ERVMER34-1: variants seen among roughly 807,000 people sequenced by gnomAD.
ERVMER34-1 encodes the protein endogenous retroviral envelope protein HEMO.
For missense variants in ERVMER34-1, 471 were observed against 295.1 expected, an observed-to-expected ratio of 1.60 and a Z score of -4.37; for synonymous variants, 199 against 111.7, an observed-to-expected ratio of 1.78 and a Z score of -4.93.
At chr4:52,749,317 CTT>C (rs1171611855) in intron 2 of ERVMER34-1, among the ~76,000 whole-genome samples, 4 of 152,162 alleles carry the variant, frequency 2.6e-5, no homozygotes, top group Non-Finnish European at 5.9e-5. Context: ...TGTGTCAACT[CTT>C]ACAGTTCCAT....
At position 52,743,989 on chromosome 4, in the gene ERVMER34-1, A is replaced by G. The variant is rs1323236962; in HGVS notation, c.1532T>C (p.Val511Ala). 1.3e-6 allele frequency: 1 copy of G among 742,568 alleles called. No homozygotes were observed. Among genetic ancestry groups the G allele is most frequent in the Admixed American group, 2.0e-5 (1 of 50,058 alleles). 46.0% of individuals were successfully genotyped at this position (742,568 alleles called of 1,614,324 possible). Residue 511 changes from valine to alanine, a missense_variant, in exon 3 of 3, where the codon GTC becomes GCC. Transcript: ENST00000443173. The stretch of plus-strand genomic sequence containing the variant: ...AAGGGATCTGCGAGATTTGCGAAAG[A>G]CACGAACATAGATTAAAACAAAGAT... ...LFIFVLIYVRVFRKSRRSLNS... is the reference protein window; with the variant it reads ...LFIFVLIYVRAFRKSRRSLNS...
intron 2 of ERVMER34-1, among the ~76,000 whole-genome samples, chr4:52,749,304 T>C (rs1457496362): frequency 6.6e-6 from 1 of 152,176 alleles, no homozygotes; most frequent in Non-Finnish European, 1.5e-5. Flanking sequence ...TTGTTTCCCA[T>C]TCTGTGTCAA....
chr4:52,743,682 T>A lies in ERVMER34-1; in HGVS notation c.*147A>T. 1 of 646,970 alleles carries A rather than the reference T, an allele frequency of 1.5e-6. No homozygotes were observed. Among genetic ancestry groups the A allele is most frequent in the Non-Finnish European group, 2.6e-6 (1 of 391,646 alleles). The allele number at this position is 646,970 out of a possible 1,614,324, so 40.1% of individuals were successfully genotyped here. A position where few individuals can be genotyped will look rare whatever the true frequency, so the allele number is the denominator to read the frequency against. On this transcript the variant is annotated 3_prime_UTR_variant, in exon 3 of 3. Transcript: ENST00000443173. ...AAGTTCTGATAAGGCTTATTTACAA[T>A]ACCTTGGGAGGTCCTAGTGCTAAGT...
intron 2 of ERVMER34-1, among the ~76,000 whole-genome samples, chr4:52,746,302 G>A (rs537658686): frequency 3.9e-5 from 6 of 152,252 alleles, no homozygotes; most frequent in African/African-American, 1.2e-4. Context: ...TTACAGCCAT[G>A]AGCCACCATA....
At chr4:52,748,548 G>A (rs535223379) in intron 2 of ERVMER34-1, among the ~76,000 whole-genome samples, 139 of 152,174 alleles carry the variant, frequency 9.1e-4, no homozygotes, top group African/African-American at 3.1e-3. Context: ...AAACTCACCC[G>A]CAAAGGCCTT....
rs1287204704 is a variant in ERVMER34-1, at chr4:52,745,843, G to C, written c.-323C>G. On this transcript the variant is annotated 5_prime_UTR_variant, in exon 3 of 3. Coordinates refer to ENST00000443173, the MANE Select transcript of ERVMER34-1 (RefSeq NM_001242690.2). ...ACAAATTCAGGAATTTTATTTTGAT[G>C]ACTATGTAGGTGGTTAGCAGTACTT... The C allele has an allele frequency of 3.4e-6, 1 of 291,248 alleles. No homozygotes were observed. Among genetic ancestry groups the C allele is most frequent in the Non-Finnish European group, 6.4e-6 (1 of 156,286 alleles). The allele number at this position is 291,248 out of a possible 1,614,324, so 18.0% of individuals were successfully genotyped here.
chr4:52,750,061 C>T (rs933282864), intron 2 of ERVMER34-1, among the ~76,000 whole-genome samples: 15 of 152,028 alleles, frequency 9.9e-5, no homozygotes, highest in African/African-American at 2.7e-4. Context: ...TGCAGTGGTG[C>T]GATCTCCGCT....
chr4:52,748,882 G>T (rs1716214670), intron 2 of ERVMER34-1, among the ~76,000 whole-genome samples: 1 of 151,768 alleles, frequency 6.6e-6, no homozygotes, highest in African/African-American at 2.4e-5. Flanking sequence ...TAGAAACAGG[G>T]TCTCACTCTG....
At chr4:52,749,841 A>G (rs1448332267) in intron 2 of ERVMER34-1, among the ~76,000 whole-genome samples, 1 of 152,146 alleles carries the variant, frequency 6.6e-6, no homozygotes, top group Non-Finnish European at 1.5e-5. Flanking sequence ...ATTCTCAGAA[A>G]GATAATAACC....
chr4:52,744,834 G>T lies in ERVMER34-1; in HGVS notation c.687C>A (p.Leu229=). 2.8e-6 allele frequency: 2 copies of T among 704,114 alleles called. No homozygotes were observed. Among genetic ancestry groups the T allele is most frequent in the Non-Finnish European group, 5.2e-6 (2 of 385,016 alleles). 43.6% of individuals were successfully genotyped at this position (704,114 alleles called of 1,614,324 possible). Residue 229 remains leucine (L), a synonymous_variant, in exon 3 of 3, where the codon CTC becomes CTA. Transcript: ENST00000443173. ...GLTWSGNDTC[L]YSCQNQTKGL... ...CTTTGGTTTGGTTTTGGCAGCTATA[G>T]AGACAGGTGTCATTACCTGACCAGG... is the stretch of plus-strand genomic sequence containing the variant.
rs954409723 is a variant in ERVMER34-1, at chr4:52,750,407, C to T, written c.-424+523G>A. On this transcript the variant is annotated intron_variant, in intron 2 of 2. Coordinates refer to ENST00000443173, the MANE Select transcript of ERVMER34-1 (RefSeq NM_001242690.2). ...CTACATAAATTATTATTGTTCATTG[C>T]GCAACACTTAGGAAACTGATAGAGT... 1.6e-4 allele frequency among the ~76,000 whole-genome samples: 25 copies of T among 152,090 alleles called. No individual in the cohort carries two copies. In the East Asian group the frequency reaches 1.9e-3, roughly 12 times the overall value.
intron 2 of ERVMER34-1, among the ~76,000 whole-genome samples, chr4:52,747,187 C>T (rs187680406): frequency 2.2e-3 from 337 of 151,976 alleles, no homozygotes; most frequent in Non-Finnish European, 3.9e-3. Flanking sequence ...CAAGATCACG[C>T]CACTGCACTC....
At position 52,747,212 on chromosome 4, in the gene ERVMER34-1, G is replaced by A. The variant is rs189734741; in HGVS notation, c.-423-1269C>T. On this transcript the variant is annotated intron_variant, in intron 2 of 2. Transcript: ENST00000443173. ...CCACTGCACTCCAGGCTGGGTGACA[G>A]AGTGAGACTCTGTCTAAAAAACAAA... 5.5e-3 allele frequency among the ~76,000 whole-genome samples: 804 copies of A among 147,012 alleles called. 4 individuals are homozygous for A. Among genetic ancestry groups the A allele is most frequent in the Non-Finnish European group, 7.8e-3 (530 of 67,912 alleles).
In ERVMER34-1 at chr4:52,743,876, C is replaced by A; in HGVS notation, c.1645G>T (p.Ala549Ser). 1 of 1,527,542 alleles carries A rather than the reference C, an allele frequency of 6.5e-7. No homozygotes were observed. Among genetic ancestry groups the A allele is most frequent in the Non-Finnish European group, 8.8e-7 (1 of 1,140,666 alleles). 94.6% of individuals were successfully genotyped at this position (1,527,542 alleles called of 1,614,324 possible). The change falls in exon 3 of 3, where the codon GCA becomes TCA. Residue 549 changes from alanine to serine, a missense_variant. Ala to Ser is a moderately conservative substitution (Grantham distance 99). Coordinates refer to ENST00000443173, the MANE Select transcript of ERVMER34-1 (RefSeq NM_001242690.2). ...TGATGGGTTGTTAGTCCCTTCATTG[C>A]CCTATTTGAAACTTGACATGAAGTT... ...SETSCQVSNRAMKGLTTHQYD... is the reference protein window; with the variant it reads ...SETSCQVSNRSMKGLTTHQYD...
At position 52,744,731 on chromosome 4, in the gene ERVMER34-1, C is replaced by T; in HGVS notation, c.790G>A (p.Asp264Asn). 1 of 704,188 alleles carries T rather than the reference C, an allele frequency of 1.4e-6. No individual in the cohort carries two copies. Among genetic ancestry groups the T allele is most frequent in the South Asian group, 1.5e-5 (1 of 67,606 alleles). The allele number at this position is 704,188 out of a possible 1,614,324, so 43.6% of individuals were successfully genotyped here. A position where few individuals can be genotyped will look rare whatever the true frequency, so the allele number is the denominator to read the frequency against. ...TEAHGKWRCA[D>N]ASITNDKGHD... ...CCTTTGTCATTAGTTATGCTGGCAT[C>T]TGCACATCTCCATTTCCCATGTGCC... The change falls in exon 3 of 3, where the codon GAT becomes AAT. Residue 264 changes from aspartate to asparagine, a missense_variant. Coordinates refer to ENST00000443173, the MANE Select transcript of ERVMER34-1 (RefSeq NM_001242690.2).
chr4:52,750,869 G>A (rs1716269250), intron 2 of ERVMER34-1, 61 bp downstream of exon 2: 1 of 152,358 alleles, frequency 6.6e-6, no homozygotes, highest in African/African-American at 2.4e-5. Flanking sequence ...GAACCCTCCG[G>A]TCCCACTGGC....
At position 52,743,636 on chromosome 4, in the gene ERVMER34-1, G is replaced by C; in HGVS notation, c.*193C>G. The C allele has an allele frequency of 3.7e-6, 2 of 543,458 alleles. No individual in the cohort carries two copies. Among genetic ancestry groups the C allele is most frequent in the Non-Finnish European group, 6.4e-6 (2 of 312,532 alleles). The allele number at this position is 543,458 out of a possible 1,614,324, so 33.7% of individuals were successfully genotyped here. Reference sequence around the variant, plus strand: ...TCAGCTTTATGGTGTGTGTCTTAAGGCTTCAGAATGAAACTACAAAAAGTT... The same window carrying C: ...TCAGCTTTATGGTGTGTGTCTTAAGCCTTCAGAATGAAACTACAAAAAGTT... On this transcript the variant is annotated 3_prime_UTR_variant, in exon 3 of 3. Transcript: ENST00000443173.
Position 52,745,493 on chromosome 4 carries a change from G to C in ERVMER34-1, c.28C>G (p.Leu10Val). Residue 10 changes from leucine (L) to valine (V), a missense_variant, in exon 3 of 3, where the codon CTT becomes GTT. Physicochemically the swap from Leu to Val is conservative, Grantham distance 32 (BLOSUM62 1). Transcript: ENST00000443173. MGSLSNYAL[L>V]QLTLTAFLTI... The stretch of plus-strand genomic sequence containing the variant: ...AAAAAAGCAGTAAGGGTTAGTTGAA[G>C]CAGGGCATAGTTTGAAAGGGAGCCC... The C allele has an allele frequency of 1.4e-6, 1 of 704,074 alleles. No individual in the cohort carries two copies. The highest frequency in any genetic ancestry group is 2.6e-6 in the Non-Finnish European group (1 of 384,976). 43.6% of individuals were successfully genotyped at this position (704,074 alleles called of 1,614,324 possible). A position where few individuals can be genotyped will look rare whatever the true frequency, so the allele number is the denominator to read the frequency against.
chr4:52,751,116 G>A (rs941358567), intron 1 of ERVMER34-1, 47 bp from the exon 2 acceptor site: 1 of 152,214 alleles, frequency 6.6e-6, no homozygotes, highest in Admixed American at 6.5e-5. Context: ...GACCTGCCCC[G>A]GGATTCTCCC....
Sources: gnomAD v4.1 joint callset for allele counts (sites outside exome capture counted in the v4.1 genomes callset) on GRCh38, gnomAD v4.1.1 for gene constraint, MANE v1.5 for transcripts, NCBI Gene and HGNC (gene_info 2026-07-23, HGNC 2026-07-21) for gene names.